CCSER1: variants seen among roughly 807,000 people sequenced by gnomAD.
CCSER1 encodes serine-rich coiled-coil domain-containing protein 1.
A neutral mutation model predicts 82.0 loss-of-function variants in CCSER1; 41 were observed. The ratio of observed to expected loss-of-function variants is 0.50; its 90% CI spans 0.39 to 0.65. CCSER1 has a LOEUF of 0.65. Among genes scored for constraint, CCSER1 ranks in the 30% least tolerant of loss-of-function variants. The pLI is 0.00. For synonymous variants in CCSER1, 414 were observed against 383.9 expected (o/e 1.08, Z -0.92); for missense variants, 1,119 against 1,064.2 (o/e 1.05, Z -0.72).
chr4:90,519,626 T>G (rs2153623326), intron 5 of CCSER1, among the ~76,000 whole-genome samples: 1 of 152,100 alleles, frequency 6.6e-6, no homozygotes, highest in East Asian at 1.9e-4. Flanking sequence ...TTTTATTAAA[T>G]AACATTGAGA....
chr4:91,241,551 C>T (rs1415161845), intron 10 of CCSER1, among the ~76,000 whole-genome samples: 4 of 143,138 alleles, frequency 2.8e-5, no homozygotes, highest in Non-Finnish European at 6.3e-5. Context: ...TGGTCTCGAT[C>T]TCCTGACCTC....
intron 6 of CCSER1, among the ~76,000 whole-genome samples, chr4:90,640,551 G>C (rs1378948586): frequency 2.0e-5 from 3 of 152,078 alleles, no homozygotes; most frequent in African/African-American, 7.2e-5. Context: ...ACAGGATACA[G>C]TTATGATATG....
At chr4:91,546,534 G>A (rs1302348667) in intron 10 of CCSER1, among the ~76,000 whole-genome samples, 1 of 151,932 alleles carries the variant, frequency 6.6e-6, no homozygotes. Context: ...CACAGAATTT[G>A]CCTAATATTT....
intron 8 of CCSER1, among the ~76,000 whole-genome samples, chr4:90,847,339 G>A (rs970209588): frequency 2.6e-5 from 4 of 152,152 alleles, no homozygotes; most frequent in East Asian, 1.9e-4. Context: ...TCTGGCCTGC[G>A]GCAGTGTCCC....
intron 5 of CCSER1, among the ~76,000 whole-genome samples, chr4:90,525,785 C>T (rs1456984535): frequency 6.6e-6 from 1 of 152,042 alleles, no homozygotes; most frequent in Non-Finnish European, 1.5e-5. Flanking sequence ...ATCACAGGCA[C>T]ACTCCACTGT....
chr4:90,296,597 G>A (rs187364370), intron 1 of CCSER1, among the ~76,000 whole-genome samples: 206 of 152,248 alleles, frequency 1.4e-3, no homozygotes, highest in African/African-American at 4.8e-3. Context: ...TAATGCCTAG[G>A]TTTTCTTCTA....
intron 10 of CCSER1, among the ~76,000 whole-genome samples, chr4:91,253,230 G>A: frequency 6.6e-6 from 1 of 152,120 alleles, no homozygotes; most frequent in East Asian, 1.9e-4. Context: ...TCAAAGAGTG[G>A]TAAATGTTTT....
intron 5 of CCSER1, among the ~76,000 whole-genome samples, chr4:90,572,572 CGTT>C (rs963841527): frequency 2.0e-5 from 3 of 149,450 alleles, no homozygotes; most frequent in African/African-American, 7.6e-5. Flanking sequence ...TTTGAGCGCA[CGTT>C]ATTATTATTA....
intron 6 of CCSER1, among the ~76,000 whole-genome samples, chr4:90,694,957 A>G (rs573540532): frequency 5.5e-4 from 84 of 151,544 alleles, no homozygotes; most frequent in African/African-American, 1.8e-3. Context: ...ATGAGCTACA[A>G]TTTACCAGTA....
At chr4:90,603,246 C>T (rs1237831914) in intron 5 of CCSER1, among the ~76,000 whole-genome samples, 1 of 152,232 alleles carries the variant, frequency 6.6e-6, no homozygotes, top group East Asian at 1.9e-4. Flanking sequence ...ATCAGGTTAT[C>T]TGGACGTGCA....
At chr4:91,572,256 A>G (rs1763221324) in intron 10 of CCSER1, among the ~76,000 whole-genome samples, 1 of 152,148 alleles carries the variant, frequency 6.6e-6, no homozygotes, top group Admixed American at 6.5e-5. Context: ...TCACCAGAGA[A>G]GGCTGTGAAA....
intron 1 of CCSER1, among the ~76,000 whole-genome samples, chr4:90,280,853 G>A (rs1287358101): frequency 1.3e-5 from 2 of 151,796 alleles, no homozygotes; most frequent in Non-Finnish European, 2.9e-5. Flanking sequence ...TAATAGAGTC[G>A]TATTTCAGCT....
At chr4:90,561,530 G>A (rs1175959876) in intron 5 of CCSER1, among the ~76,000 whole-genome samples, 2 of 152,148 alleles carry the variant, frequency 1.3e-5, no homozygotes, top group Admixed American at 6.5e-5. Context: ...CATAACTTAT[G>A]CTCAATAATT....
chr4:90,266,524 T>C (rs11943332), intron 1 of CCSER1, among the ~76,000 whole-genome samples: 7,351 of 152,052 alleles, frequency 0.048, 470 homozygotes, highest in African/African-American at 0.15. Flanking sequence ...TTAACCATCC[T>C]AGTACGTGGT....
chr4:90,790,422 A>G (rs968776774), intron 7 of CCSER1, among the ~76,000 whole-genome samples: 7 of 152,314 alleles, frequency 4.6e-5, no homozygotes, highest in South Asian at 2.1e-4. Flanking sequence ...CCACATAAGT[A>G]TACTAAAATA....
chr4:90,760,985 TATTTA>T (rs1750333555), intron 7 of CCSER1, among the ~76,000 whole-genome samples: 1 of 152,110 alleles, frequency 6.6e-6, no homozygotes, highest in Non-Finnish European at 1.5e-5. Flanking sequence ...AGAAAAGTGG[TATTTA>T]AGCTGAGACT....
intron 10 of CCSER1, among the ~76,000 whole-genome samples, chr4:91,547,851 G>T (rs542220706): frequency 6.6e-6 from 1 of 151,318 alleles, no homozygotes; most frequent in South Asian, 2.1e-4. Flanking sequence ...GTGTGATCTC[G>T]GCTCACTGCA....
intron 10 of CCSER1, among the ~76,000 whole-genome samples, chr4:91,168,741 T>C (rs11097304): frequency 0.94 from 142,572 of 151,998 alleles, 66,926 homozygotes; most frequent in African/African-American, 0.96. Context: ...ATGACGATGG[T>C]GGTTTTGTTG....
chr4:91,332,804 C>A (rs2149278199), intron 10 of CCSER1, among the ~76,000 whole-genome samples: 1 of 152,058 alleles, frequency 6.6e-6, no homozygotes, highest in East Asian at 1.9e-4. Flanking sequence ...CAAGTGAAAT[C>A]TGAACCTACT....
Sources: allele counts gnomAD v4.1 joint callset (sites outside exome capture counted in the v4.1 genomes callset), GRCh38; gene constraint gnomAD v4.1.1; transcripts MANE v1.5; gene names NCBI Gene and HGNC (gene_info 2026-07-23, HGNC 2026-07-21).